The following BBS9 variants were observed in gnomAD, a reference collection of about 807,000 sequenced individuals.
BBS9 encodes the protein protein PTHB1.
In BBS9, 89 loss-of-function variants were observed where a neutral mutation model predicts 117.7. The observed-to-expected ratio is 0.76, with a 90% confidence interval of 0.64 to 0.90. The LOEUF is 0.90. Ranked by LOEUF, BBS9 falls within the 40% of genes least tolerant of loss-of-function variation. The pLI is 0.00. For synonymous variants in BBS9, 379 were observed against 370.9 expected (o/e 1.02, Z -0.25); for missense variants, 982 against 1,042.2 (o/e 0.94, Z 0.80).
intron 6 of BBS9, among the ~76,000 whole-genome samples, chr7:33,260,173 T>C (rs1393274709): frequency 6.6e-6 from 1 of 152,056 alleles, no homozygotes; most frequent in Admixed American, 6.5e-5. Context: ...CTAATTACTT[T>C]TGTATTTTAG....
chr7:33,548,667 C>A (rs1306515682), intron 21 of BBS9, among the ~76,000 whole-genome samples: 7 of 151,640 alleles, frequency 4.6e-5, no homozygotes, highest in Admixed American at 3.9e-4. Context: ...GAGTGAACTC[C>A]CATTCACAAT....
At chr7:33,215,112 A>T (rs1362629637) in intron 5 of BBS9, among the ~76,000 whole-genome samples, 5 of 152,212 alleles carry the variant, frequency 3.3e-5, no homozygotes, top group African/African-American at 7.2e-5. Context: ...GAATGGTGTG[A>T]ACCCGAGAGG....
intron 19 of BBS9, among the ~76,000 whole-genome samples, chr7:33,411,612 T>C (rs1177584439): frequency 6.6e-6 from 1 of 152,142 alleles, no homozygotes; most frequent in African/African-American, 2.4e-5. Context: ...TAAACTTCTA[T>C]TGATTCATCC....
chr7:33,384,179 G>A (rs1299203063), intron 18 of BBS9, among the ~76,000 whole-genome samples: 1 of 152,168 alleles, frequency 6.6e-6, no homozygotes, highest in Admixed American at 6.5e-5. Context: ...ATTCTAGCAG[G>A]CCATAAATGA....
rs768921811 is a variant in BBS9, at chr7:33,358,010, A to C, written c.1693+15A>C. On this transcript the variant is annotated intron_variant, in intron 16 of 22. Transcript: ENST00000242067. Reference sequence around the variant, plus strand: ...TCTCTTCCCAGGTAAGACTGTTGAAATAACATGCCTGCAGCATCAAAAATG... The same window carrying C: ...TCTCTTCCCAGGTAAGACTGTTGAACTAACATGCCTGCAGCATCAAAAATG... 6.2e-7 allele frequency: 1 copy of C among 1,609,878 alleles called. No individual in the cohort carries two copies. The highest frequency in any genetic ancestry group is 8.5e-7 in the Non-Finnish European group (1 of 1,177,032).
intron 21 of BBS9, among the ~76,000 whole-genome samples, chr7:33,631,056 C>A (rs1008299461): frequency 1.3e-5 from 2 of 152,178 alleles, no homozygotes; most frequent in African/African-American, 4.8e-5. Flanking sequence ...CAGGCCCCTG[C>A]AAAGTGCAGA....
intron 21 of BBS9, among the ~76,000 whole-genome samples, chr7:33,595,588 G>T (rs1862615384): frequency 2.0e-5 from 3 of 152,154 alleles, no homozygotes; most frequent in Admixed American, 1.3e-4. Flanking sequence ...CTGTCGGTGG[G>T]AATGTAAATG....
In BBS9 at chr7:33,244,252, C is replaced by G. The variant is rs139768490; in HGVS notation, c.443-12984C>G. Among the ~76,000 whole-genome samples, 772 of 152,100 alleles carry G rather than the reference C, an allele frequency of 5.1e-3. 9 individuals carry two copies. The highest frequency in any genetic ancestry group is 0.018 in the African/African-American group (733 of 41,502). On this transcript the variant is annotated intron_variant, in intron 5 of 22. Transcript: ENST00000242067. ...CTCAAAAAACAAACAAACAAATAAA[C>G]AAACAAACATCCTGATGGGCTTTTC...
At chr7:33,343,189 A>T (rs181646395) in intron 11 of BBS9, among the ~76,000 whole-genome samples, 1 of 152,286 alleles carries the variant, frequency 6.6e-6, no homozygotes, top group East Asian at 1.9e-4. Flanking sequence ...AACGCAATGG[A>T]TCATATTCAT....
intron 4 of BBS9, among the ~76,000 whole-genome samples, chr7:33,167,403 C>CT (rs1202170784): frequency 0.042 from 5,690 of 134,202 alleles, 148 homozygotes; most frequent in African/African-American, 0.049. Context: ...TCTGAGAATT[C>CT]TTTTTTTTTT....
chr7:33,452,721 G>A lies in BBS9; in HGVS notation c.2116-52742G>A, dbSNP rs747487595. Among the ~76,000 whole-genome samples, 12 of 151,976 alleles carry A rather than the reference G, an allele frequency of 7.9e-5. 1 individual carries two copies. Among genetic ancestry groups the A allele is most frequent in the Middle Eastern group, 3.2e-3 (1 of 314 alleles). On this transcript the variant is annotated intron_variant, in intron 19 of 22. Coordinates refer to ENST00000242067, the MANE Select transcript of BBS9 (RefSeq NM_198428.3). ...TAGAGTAGATGTCATAAATTTTGAG[G>A]GTAAAAAGGTTATTATGGGAACACA... is the stretch of plus-strand genomic sequence containing the variant.
At chr7:33,170,366 A>G (rs199725321) in intron 4 of BBS9, among the ~76,000 whole-genome samples, 28,475 of 147,312 alleles carry the variant, frequency 0.19, 2,867 homozygotes, top group Non-Finnish European at 0.23. Context: ...TGATTATCTC[A>G]ATAGATGCAG....
chr7:33,458,294 A>G (rs1465987615), intron 19 of BBS9, among the ~76,000 whole-genome samples: 1 of 152,212 alleles, frequency 6.6e-6, no homozygotes, highest in Non-Finnish European at 1.5e-5. Flanking sequence ...TGTAAAAGAT[A>G]AAAACAGGCT....
intron 9 of BBS9, among the ~76,000 whole-genome samples, chr7:33,334,075 TAG>T (rs1448736798): frequency 6.6e-6 from 1 of 152,246 alleles, no homozygotes; most frequent in Non-Finnish European, 1.5e-5. Context: ...AAAGTGTTTT[TAG>T]AGAGTCTGAA....
At chr7:33,175,013 T>C (rs1190758770) in intron 4 of BBS9, among the ~76,000 whole-genome samples, 2 of 152,204 alleles carry the variant, frequency 1.3e-5, no homozygotes, top group Non-Finnish European at 2.9e-5. Context: ...GTATATAAAA[T>C]CTATTTTTGG....
intron 16 of BBS9, among the ~76,000 whole-genome samples, chr7:33,367,127 C>T (rs1188208289): frequency 6.6e-6 from 1 of 152,096 alleles, no homozygotes; most frequent in African/African-American, 2.4e-5. Flanking sequence ...ACAGAGAGAA[C>T]CTTTCCTTTA....
chr7:33,610,473 C>G (rs747203202), downstream of BBS9, among the ~76,000 whole-genome samples: 6 of 152,058 alleles, frequency 3.9e-5, no homozygotes, highest in Non-Finnish European at 8.8e-5. Flanking sequence ...AGGCAGGAAG[C>G]AATGCTGTTC....
At chr7:33,314,761 C>G (rs2128561021) in intron 9 of BBS9, among the ~76,000 whole-genome samples, 1 of 152,258 alleles carries the variant, frequency 6.6e-6, no homozygotes, top group Middle Eastern at 3.4e-3. Flanking sequence ...AGAGAGCGTA[C>G]AGTCTATTCA....
At chr7:33,466,574 C>A (rs1458676410) in intron 19 of BBS9, among the ~76,000 whole-genome samples, 1 of 152,026 alleles carries the variant, frequency 6.6e-6, no homozygotes, top group African/African-American at 2.4e-5. Flanking sequence ...ATTCATCTGT[C>A]TGCAGACACT....
Sources: gnomAD v4.1 joint callset for allele counts (sites outside exome capture counted in the v4.1 genomes callset) on GRCh38, gnomAD v4.1.1 for gene constraint, MANE v1.5 for transcripts, NCBI Gene and HGNC (gene_info 2026-07-23, HGNC 2026-07-21) for gene names.